The following SDK1 variants were observed in gnomAD, a reference collection of about 807,000 sequenced individuals.
The protein encoded by SDK1 is protein sidekick-1.
Under a neutral mutation model 245.5 loss-of-function variants are expected in SDK1, and 157 were observed. The observed-to-expected ratio is 0.64, with a 90% CI of 0.56 to 0.73. SDK1 has a LOEUF of 0.73. SDK1 is among the 30% of genes least tolerant of loss of function. SDK1 has a pLI of 0.00. For missense variants in SDK1, 3,583 were observed against 3,002.3 expected, an observed-to-expected ratio of 1.19 and a Z score of -4.52; for synonymous variants, 1,647 against 1,278.5, an observed-to-expected ratio of 1.29 and a Z score of -6.15.
chr7:3,897,745 CTGTG>C (rs56863215), intron 5 of SDK1, among the ~76,000 whole-genome samples: 3,419 of 150,160 alleles, frequency 0.023, 126 homozygotes, highest in African/African-American at 0.078. Flanking sequence ...GTTTTTACAG[CTGTG>C]TGTGTGTGTG....
intron 1 of SDK1, among the ~76,000 whole-genome samples, chr7:3,548,011 A>G (rs1335419059): frequency 6.6e-6 from 1 of 152,218 alleles, no homozygotes; most frequent in East Asian, 1.9e-4. Flanking sequence ...GATTGTTTCT[A>G]AAGTGCCAAT....
intron 1 of SDK1, among the ~76,000 whole-genome samples, chr7:3,524,768 G>A (rs1783064603): frequency 3.9e-5 from 6 of 152,124 alleles, no homozygotes; most frequent in Admixed American, 3.3e-4. Flanking sequence ...CAGGCATTTC[G>A]ATGTACAAAT....
intron 4 of SDK1, among the ~76,000 whole-genome samples, chr7:3,658,884 C>G (rs961436290): frequency 6.6e-6 from 1 of 152,172 alleles, no homozygotes; most frequent in African/African-American, 2.4e-5. Flanking sequence ...TCTCAAAGTG[C>G]TGGGATTACA....
chr7:3,838,540 C>T (rs1323371778), intron 5 of SDK1, among the ~76,000 whole-genome samples: 5 of 152,220 alleles, frequency 3.3e-5, no homozygotes, highest in African/African-American at 9.6e-5. Context: ...AGCTCACCTG[C>T]TACTGTAGAT....
rs575185957 is a variant in SDK1, at chr7:3,849,155, C to T, written c.847+27572C>T. Among the ~76,000 whole-genome samples the T allele has an allele frequency of 2.6e-5, 4 of 152,290 alleles. No homozygotes were observed. In the South Asian group the frequency reaches 8.3e-4, roughly 32 times the overall value. The stretch of plus-strand genomic sequence containing the variant: ...GTTTCCTTTTCTCTCCAAATGAATG[C>T]ACCCCTCCTCTGCTGGACTGTTCTT... On this transcript the variant is annotated intron_variant, in intron 5 of 44. Transcript: ENST00000404826.
chr7:3,511,930 G>T (rs1310390638), intron 1 of SDK1, among the ~76,000 whole-genome samples: 2 of 148,864 alleles, frequency 1.3e-5, no homozygotes, highest in African/African-American at 5.0e-5. Flanking sequence ...CCACCGGAGT[G>T]GTATGTTGCA....
At chr7:3,394,555 A>C (rs777214987) in intron 1 of SDK1, among the ~76,000 whole-genome samples, 2 of 152,030 alleles carry the variant, frequency 1.3e-5, no homozygotes, top group Non-Finnish European at 2.9e-5. Context: ...TTTCTGTGGG[A>C]ATAAGCCTCC....
chr7:3,714,192 G>C (rs577928891), intron 4 of SDK1, among the ~76,000 whole-genome samples: 1 of 152,298 alleles, frequency 6.6e-6, no homozygotes, highest in South Asian at 2.1e-4. Flanking sequence ...TAGACTCAGA[G>C]GGACGGGAAA....
intron 5 of SDK1, among the ~76,000 whole-genome samples, chr7:3,846,976 G>A (rs961860653): frequency 2.6e-5 from 4 of 152,064 alleles, no homozygotes; most frequent in Non-Finnish European, 5.9e-5. Flanking sequence ...GCCCTACTGC[G>A]CGGCTGGCTG....
chr7:3,389,886 G>C (rs1398013090), intron 1 of SDK1, among the ~76,000 whole-genome samples: 1 of 152,170 alleles, frequency 6.6e-6, no homozygotes, highest in East Asian at 1.9e-4. Flanking sequence ...TGAGGTACAT[G>C]ATTAAAAAAC....
intron 13 of SDK1, among the ~76,000 whole-genome samples, chr7:3,983,669 A>T (rs1231390504): frequency 1.3e-5 from 2 of 152,216 alleles, no homozygotes; most frequent in African/African-American, 4.8e-5. Flanking sequence ...TCTCTGAGAC[A>T]TGCCTCTCTA....
chr7:3,929,315 G>T (rs1182742634), intron 5 of SDK1, among the ~76,000 whole-genome samples: 2 of 152,198 alleles, frequency 1.3e-5, no homozygotes, highest in Non-Finnish European at 2.9e-5. Context: ...CGCTTGGCCA[G>T]CTGTAATCTG....
chr7:3,536,014 T>A (rs1010643727), intron 1 of SDK1, among the ~76,000 whole-genome samples: 22 of 152,226 alleles, frequency 1.4e-4, no homozygotes, highest in South Asian at 2.1e-4. Flanking sequence ...TATCTTTTTT[T>A]AAAATCTAAT....
rs191081355 is a variant in SDK1 at position 3,605,680 on chromosome 7, G to C, written c.299-13400G>C. On this transcript the variant is annotated intron_variant, in intron 1 of 44. Coordinates refer to ENST00000404826, the MANE Select transcript of SDK1 (RefSeq NM_152744.4). ...TGTCTGATTACATAATTAGATTTGGGATACCAACTGGGTATACTTGGTAAG... is the reference window on the plus strand; with the variant it reads ...TGTCTGATTACATAATTAGATTTGGCATACCAACTGGGTATACTTGGTAAG... 2.9e-3 allele frequency among the ~76,000 whole-genome samples: 438 copies of C among 152,050 alleles called. 3 individuals are homozygous for C. Among genetic ancestry groups the C allele is most frequent in the South Asian group, 0.018 (85 of 4,818 alleles).
At chr7:3,404,121 T>A (rs1778988928) in intron 1 of SDK1, among the ~76,000 whole-genome samples, 1 of 151,630 alleles carries the variant, frequency 6.6e-6, no homozygotes, top group African/African-American at 2.4e-5. Flanking sequence ...AGACGTGAAG[T>A]GAGCTGATGC....
chr7:3,465,465 G>A (rs1230738973), intron 1 of SDK1, among the ~76,000 whole-genome samples: 2 of 152,174 alleles, frequency 1.3e-5, no homozygotes, highest in African/African-American at 2.4e-5. Flanking sequence ...TTCCACTAGG[G>A]ATACTCTCTT....
At position 3,403,858 on chromosome 7, in the gene SDK1, T is replaced by TTATATATATA. The variant is rs1778971802; in HGVS notation, c.298+101974_298+101975insTATATATATA. ...ATATATATATATATATATATATATA[T>TTATATATATA]ATATATATATAATATATATATTTAT... On this transcript the variant is annotated intron_variant, in intron 1 of 44. Coordinates refer to ENST00000404826, the MANE Select transcript of SDK1 (RefSeq NM_152744.4). 3.6e-4 allele frequency among the ~76,000 whole-genome samples: 42 copies of TTATATATATA among 116,386 alleles called. 3 individuals are homozygous for TTATATATATA. The South Asian group carries it at 9.3e-3, about 26-fold the overall frequency. 76.4% of individuals were successfully genotyped at this position (116,386 alleles called of 152,430 possible).
At chr7:3,329,387 C>G (rs1193991426) in intron 1 of SDK1, among the ~76,000 whole-genome samples, 1 of 152,096 alleles carries the variant, frequency 6.6e-6, no homozygotes, top group Non-Finnish European at 1.5e-5. Flanking sequence ...ATTCACCTAC[C>G]ATATAATTCA....
intron 34 of SDK1, among the ~76,000 whole-genome samples, chr7:4,178,021 T>C (rs923155915): frequency 7.0e-6 from 1 of 143,694 alleles, no homozygotes; most frequent in African/African-American, 2.5e-5. Flanking sequence ...CAATAGGGTT[T>C]GCACTTCTGT....
Sources: allele counts gnomAD v4.1 joint callset (sites outside exome capture counted in the v4.1 genomes callset), GRCh38; gene constraint gnomAD v4.1.1; transcripts MANE v1.5; gene names NCBI Gene and HGNC (gene_info 2026-07-23, HGNC 2026-07-21).